MAD1L1: variants seen among roughly 807,000 people sequenced by gnomAD.
The protein encoded by MAD1L1 is mitotic arrest deficient 1 like 1, also known as mitotic spindle assembly checkpoint protein MAD1.
MAD1L1 carries 95 observed loss-of-function variants against 96.9 expected under a neutral mutation model. The observed-to-expected ratio is 0.98, with a 90% CI of 0.83 to 1.16. The LOEUF is 1.16. Ranked by LOEUF, MAD1L1 falls within the 50% of genes most tolerant of loss-of-function variation. The probability of loss-of-function intolerance (pLI) is 0.00; values close to 1 mark genes in which losing one functional copy is unlikely to be tolerated. For synonymous variants in MAD1L1, 473 were observed against 396.6 expected, an observed-to-expected ratio of 1.19 and a Z score of -2.29; for missense variants, 1,007 against 954.4, an observed-to-expected ratio of 1.06 and a Z score of -0.73.
intron 11 of MAD1L1, among the ~76,000 whole-genome samples, chr7:2,083,368 C>T (rs1290135172): frequency 2.0e-5 from 3 of 152,190 alleles, no homozygotes; most frequent in Non-Finnish European, 4.4e-5. Context: ...TTTATTTCCT[C>T]TTGAACTTTA....
At chr7:2,021,679 C>T (rs1304389242) in intron 12 of MAD1L1, among the ~76,000 whole-genome samples, 2 of 152,170 alleles carry the variant, frequency 1.3e-5, no homozygotes, top group South Asian at 4.2e-4. Flanking sequence ...GCAGGAGAAT[C>T]GCTTGAACCC....
chr7:1,818,185 G>C (rs551469771), intron 18 of MAD1L1, among the ~76,000 whole-genome samples: 16 of 152,186 alleles, frequency 1.1e-4, no homozygotes, highest in African/African-American at 3.6e-4. Flanking sequence ...GCCGGGCAGG[G>C]GTGGGGAGGC....
chr7:2,038,844 G>A (rs1584152784), intron 12 of MAD1L1, among the ~76,000 whole-genome samples: 1 of 151,942 alleles, frequency 6.6e-6, no homozygotes, highest in Non-Finnish European at 1.5e-5. Context: ...TCCAATTACA[G>A]ATTCACTTGG....
rs115127410 is a variant in MAD1L1, at chr7:1,964,814, T to C, written c.1506-7095A>G. 5.4e-3 allele frequency among the ~76,000 whole-genome samples: 823 copies of C among 152,288 alleles called. 12 individuals carry two copies. The highest frequency in any genetic ancestry group is 0.019 in the African/African-American group (786 of 41,552). ...GGGAAACTTTTGCAAGAAAAATGAT[T>C]AGTTGTTTTTGCTGAACTAAAAGAT... On this transcript the variant is annotated intron_variant, in intron 15 of 18. Transcript: ENST00000265854.
At chr7:2,006,118 T>G (rs532019631) in intron 13 of MAD1L1, among the ~76,000 whole-genome samples, 5 of 151,916 alleles carry the variant, frequency 3.3e-5, no homozygotes, top group African/African-American at 1.2e-4. Context: ...CTCAGCCACC[T>G]CTCACTCATA....
chr7:1,961,737 T>G (rs1241482915), intron 15 of MAD1L1, among the ~76,000 whole-genome samples: 1 of 152,218 alleles, frequency 6.6e-6, no homozygotes, highest in African/African-American at 2.4e-5. Context: ...TCCCCATGTG[T>G]TGCGGGAGGG....
Position 2,002,083 on chromosome 7 carries a change from C to T in MAD1L1, c.1398G>A (p.Gln466=), listed in dbSNP as rs771275448. The change falls in exon 14 of 19, where the codon CAG becomes CAA. Residue 466 remains glutamine, a synonymous_variant. Coordinates refer to ENST00000265854, the MANE Select transcript of MAD1L1 (RefSeq NM_001013836.2). ...GACTCACCATGTCTGCTCTTTGTTTCTGGCCTCCCAGCTCCTCCAGGGCCT... is the reference window on the plus strand; with the variant it reads ...GACTCACCATGTCTGCTCTTTGTTTTTGGCCTCCCAGCTCCTCCAGGGCCT... The part of the protein sequence containing the change: ...LSQALEELGG[Q]KQRADMLEME... 3.1e-6 allele frequency: 5 copies of T among 1,613,252 alleles called. No homozygotes were observed. Among genetic ancestry groups the T allele is most frequent in the Non-Finnish European group, 4.2e-6 (5 of 1,180,030 alleles).
At chr7:2,100,487 C>T (rs926223968) in intron 11 of MAD1L1, among the ~76,000 whole-genome samples, 1 of 152,206 alleles carries the variant, frequency 6.6e-6, no homozygotes, top group African/African-American at 2.4e-5. Flanking sequence ...TCTGCTTTAC[C>T]CTACCCACCT....
At chr7:1,866,573 G>A (rs1225998729) in intron 18 of MAD1L1, among the ~76,000 whole-genome samples, 1 of 152,188 alleles carries the variant, frequency 6.6e-6, no homozygotes, top group Non-Finnish European at 1.5e-5. Context: ...CTCAGGGAGC[G>A]CTACAGAGAA....
chr7:2,231,459 A>C (rs1325407345), intron 1 of MAD1L1, among the ~76,000 whole-genome samples: 1 of 149,598 alleles, frequency 6.7e-6, no homozygotes, highest in African/African-American at 2.5e-5. Context: ...ATCTCTACTA[A>C]AGCCAGATGT....
chr7:1,969,894 T>C (rs1258472250), intron 15 of MAD1L1, among the ~76,000 whole-genome samples: 3 of 152,248 alleles, frequency 2.0e-5, no homozygotes, highest in South Asian at 2.1e-4. Flanking sequence ...TAAAGCCATC[T>C]GTGTCAGGGA....
At chr7:1,976,575 G>A (rs1009093590) in intron 15 of MAD1L1, among the ~76,000 whole-genome samples, 1 of 152,236 alleles carries the variant, frequency 6.6e-6, no homozygotes, top group African/African-American at 2.4e-5. Flanking sequence ...TGCGAAGAGT[G>A]AAAGAACAAA....
chr7:2,150,791 A>C (rs1213298305), intron 10 of MAD1L1, among the ~76,000 whole-genome samples: 1 of 152,132 alleles, frequency 6.6e-6, no homozygotes, highest in Non-Finnish European at 1.5e-5. Flanking sequence ...ATTCACACAG[A>C]GCACGCCACG....
chr7:2,189,042 G>T (rs1584508699), intron 10 of MAD1L1, among the ~76,000 whole-genome samples: 1 of 152,228 alleles, frequency 6.6e-6, no homozygotes. Flanking sequence ...TTCCAAAGAA[G>T]ACACACAACT....
intron 11 of MAD1L1, among the ~76,000 whole-genome samples, chr7:2,077,687 G>A (rs545903911): frequency 7.2e-5 from 11 of 152,356 alleles, no homozygotes; most frequent in East Asian, 1.9e-4. Flanking sequence ...TGCAGGAGGC[G>A]CGCGGGAGCA....
chr7:2,152,339 C>T (rs994387675), intron 10 of MAD1L1, among the ~76,000 whole-genome samples: 4 of 152,324 alleles, frequency 2.6e-5, no homozygotes, highest in South Asian at 4.1e-4. Context: ...CAGCCGTGCC[C>T]AACACCTCCC....
intron 11 of MAD1L1, among the ~76,000 whole-genome samples, chr7:2,095,219 T>A (rs1239301807): frequency 6.6e-6 from 1 of 152,142 alleles, no homozygotes; most frequent in African/African-American, 2.4e-5. Flanking sequence ...CATTTTTTTG[T>A]ATTTTTAGTA....
In MAD1L1 at chr7:1,916,800, G is replaced by A. The variant is rs191679617; in HGVS notation, c.1808-18410C>T. Among the ~76,000 whole-genome samples, 1,069 of 152,258 alleles carry A rather than the reference G, an allele frequency of 7.0e-3. 6 individuals are homozygous for A. Among genetic ancestry groups the A allele is most frequent in the Non-Finnish European group, 0.011 (757 of 68,020 alleles). On this transcript the variant is annotated intron_variant, in intron 17 of 18. Transcript: ENST00000265854. ...CGGTGGGGGCCAGGCTGGGCTCCCAGGAACTCCACTGCATGAACAGCCCGG... is the reference window on the plus strand; with the variant it reads ...CGGTGGGGGCCAGGCTGGGCTCCCAAGAACTCCACTGCATGAACAGCCCGG...
chr7:1,858,234 C>T (rs796465242), intron 18 of MAD1L1, among the ~76,000 whole-genome samples: 2 of 152,348 alleles, frequency 1.3e-5, no homozygotes, highest in African/African-American at 4.8e-5. Flanking sequence ...AGGCAGAGTC[C>T]CCTGCTCGCC....
Sources: gnomAD v4.1 joint callset for allele counts (sites outside exome capture counted in the v4.1 genomes callset) on GRCh38, gnomAD v4.1.1 for gene constraint, MANE v1.5 for transcripts, NCBI Gene and HGNC (gene_info 2026-07-23, HGNC 2026-07-21) for gene names.